NF1: variants seen among roughly 807,000 people sequenced by gnomAD.
NF1 encodes neurofibromin.
NF1 carries 122 observed loss-of-function variants against 325.7 expected under a neutral mutation model. That is an observed-to-expected ratio of 0.37 (90% CI 0.32 to 0.44). The LOEUF is 0.44. Ranked by LOEUF, NF1 falls within the 20% of genes least tolerant of loss-of-function variation. The pLI, the probability that NF1 is intolerant of heterozygous loss-of-function variation, is 1.00. For missense variants in NF1, 2,140 were observed against 3,415.4 expected (o/e 0.63, Z 9.31); for synonymous variants, 1,091 against 1,186.0 (o/e 0.92, Z 1.65).
At position 31,226,459 on chromosome 17, in the gene NF1, AC is replaced by A. The variant is rs587781807; in HGVS notation, c.2033del (p.Pro678ArgfsTer10). 6 of 1,613,128 alleles carry A rather than the reference AC, an allele frequency of 3.7e-6. No individual in the cohort carries two copies. Among genetic ancestry groups the A allele is most frequent in the Non-Finnish European group, 4.2e-6 (5 of 1,179,632 alleles). ...SMDSAAGCSG[T>X]PPICRQAQTK... ...GGATAGTGCAGCAGGATGCAGCGGA[AC>A]CCCCCCGATTTGCCGACAAGCCCAG... On this transcript the variant is annotated frameshift_variant, in exon 18 of 58. Transcript: ENST00000358273. LOFTEE classifies it high-confidence loss of function.
In NF1 at chr17:31,320,489, T is replaced by C. The variant is rs369674898; in HGVS notation, c.4836-5331T>C. 1.9e-5 allele frequency: 28 copies of C among 1,464,700 alleles called. No homozygotes were observed. The East Asian group carries it at 2.0e-4, about 11-fold the overall frequency. 90.7% of individuals were successfully genotyped at this position (1,464,700 alleles called of 1,614,324 possible). A position where few individuals can be genotyped will look rare whatever the true frequency, so the allele number is the denominator to read the frequency against. ...AAGGTTTTATAAGAAATGGTTGTTA[T>C]ATGTCATTGGCTGACATTTGTATAC... On this transcript the variant is annotated intron_variant, in intron 36 of 57. Coordinates refer to ENST00000358273, the MANE Select transcript of NF1 (RefSeq NM_001042492.3).
At chr17:31,181,513 T>C (rs368183009) in intron 6 of NF1, 24 bp downstream of exon 6, 1 of 1,609,530 alleles carries the variant, frequency 6.2e-7, no homozygotes, top group Non-Finnish European at 8.5e-7. Flanking sequence ...TCTCTGGTAT[T>C]AAAATTTTGT....
At position 31,336,605 on chromosome 17, in the gene NF1, T is replaced by A. The variant is rs199874130; in HGVS notation, c.6148-30T>A. 3.3e-3 allele frequency: 5,041 copies of A among 1,518,828 alleles called. 3 individuals carry two copies. The highest frequency in any genetic ancestry group is 6.1e-3 in the South Asian group (500 of 82,056). 94.1% of individuals were successfully genotyped at this position (1,518,828 alleles called of 1,614,324 possible). On this transcript the variant is annotated intron_variant, in intron 41 of 57. Transcript: ENST00000358273. This position sits in a 1 kb window ranked among gnomAD's most constrained non-coding sequence, Gnocchi z 5.5. ...AAACTTTGAGTCCCATGTTTTTTTT[T>A]TTAAAAAAAAAAATCCTGCTTCTTT...
intron 5 of NF1, among the ~76,000 whole-genome samples, chr17:31,174,667 A>G (rs1284332600): frequency 6.6e-6 from 1 of 152,222 alleles, no homozygotes; most frequent in African/African-American, 2.4e-5. Flanking sequence ...GCCCAATTCA[A>G]TCATTTATTA....
In NF1 at chr17:31,253,005, G is replaced by A. The variant is rs1163407132; in HGVS notation, c.4173+5G>A. 6.2e-7 allele frequency: 1 copy of A among 1,610,582 alleles called. No homozygotes were observed. The highest frequency in any genetic ancestry group is 8.5e-7 in the Non-Finnish European group (1 of 1,177,536). Reference sequence around the variant, plus strand: ...AAAAAGGAAAACAAAAAATCAGTAAGTTTGGAGAACTTTTTATTAGCTGTT... The same window carrying A: ...AAAAAGGAAAACAAAAAATCAGTAAATTTGGAGAACTTTTTATTAGCTGTT... On this transcript the variant is annotated splice_donor_5th_base_variant and intron_variant, in intron 31 of 57. Transcript: ENST00000358273.
intron 17 of NF1, among the ~76,000 whole-genome samples, chr17:31,225,632 G>A (rs550237488): frequency 3.4e-4 from 52 of 152,228 alleles, no homozygotes; most frequent in African/African-American, 1.2e-3. Context: ...CAGATTTACA[G>A]GGATAAAAAC....
intron 13 of NF1, among the ~76,000 whole-genome samples, chr17:31,215,758 G>A (rs149465242): frequency 1.1e-3 from 169 of 152,224 alleles, no homozygotes; most frequent in African/African-American, 3.9e-3. Context: ...GTTTCTTATC[G>A]TTTTGCTCAG....
intron 13 of NF1, among the ~76,000 whole-genome samples, chr17:31,215,386 A>T (rs1000761613): frequency 6.6e-6 from 1 of 152,224 alleles, no homozygotes; most frequent in Non-Finnish European, 1.5e-5. Context: ...CAAATAATAA[A>T]AATGAGTCAT....
rs1265499034 is a variant in NF1 at position 31,294,934 on chromosome 17, G to A, written c.4835+29595G>A. ...ATACTTAAATATAGCTCGAATCACT[G>A]GTTAGATATGGACATATTTTCCCAA... is the stretch of plus-strand genomic sequence containing the variant. On this transcript the variant is annotated intron_variant, in intron 36 of 57. Coordinates refer to ENST00000358273, the MANE Select transcript of NF1 (RefSeq NM_001042492.3). The A allele has an allele frequency of 3.2e-6, 5 of 1,580,640 alleles. No individual in the cohort carries two copies. In the South Asian group the frequency reaches 3.3e-5, roughly 11 times the overall value.
rs368298659 is a variant in NF1, at chr17:31,335,299, TA to T, written c.6006+269del. Among the ~76,000 whole-genome samples, 3 of 118,158 alleles carry T rather than the reference TA, an allele frequency of 2.5e-5. 1 individual carries two copies. The highest frequency in any genetic ancestry group is 3.6e-5 in the Non-Finnish European group (2 of 54,982). 77.5% of individuals were successfully genotyped at this position (118,158 alleles called of 152,430 possible). On this transcript the variant is annotated intron_variant, in intron 40 of 57. Coordinates refer to ENST00000358273, the MANE Select transcript of NF1 (RefSeq NM_001042492.3). ...TTATATATATATATATATATATAAT[TA>T]TGCCTTGAAGGAGACTGTGCAAATA... is the stretch of plus-strand genomic sequence containing the variant.
intron 57 of NF1, among the ~76,000 whole-genome samples, chr17:31,365,966 G>A (rs1003303004): frequency 7.3e-5 from 9 of 122,526 alleles, no homozygotes; most frequent in Middle Eastern, 5.5e-3. Context: ...ATGGAGTCTT[G>A]CTCTGTCACC....
chr17:31,376,850 G>A lies in NF1; in HGVS notation c.*2695G>A, dbSNP rs2070738605. ...CGAGGGGCATGCCCTTAGTTGCCCA[G>A]ATGGAGATGCAGTTCAGTAGATTTG... On this transcript the variant is annotated 3_prime_UTR_variant, in exon 58 of 58. Coordinates refer to ENST00000358273, the MANE Select transcript of NF1 (RefSeq NM_001042492.3). 4.3e-6 allele frequency: 1 copy of A among 233,130 alleles called. No homozygotes were observed. The highest frequency in any genetic ancestry group is 2.2e-5 in the African/African-American group (1 of 45,328). The allele number at this position is 233,130 out of a possible 1,614,324, so 14.4% of individuals were successfully genotyped here. A position where few individuals can be genotyped will look rare whatever the true frequency, so the allele number is the denominator to read the frequency against.
At chr17:31,196,503 T>C (rs1156334356) in intron 8 of NF1, among the ~76,000 whole-genome samples, 1 of 152,196 alleles carries the variant, frequency 6.6e-6, no homozygotes, top group African/African-American at 2.4e-5. Context: ...ATCTTCTTGA[T>C]AGTGTCGTTT....
At chr17:31,273,542 A>G (rs1161963599) in intron 36 of NF1, 1 of 152,216 alleles carries the variant, frequency 6.6e-6, no homozygotes, top group Non-Finnish European at 1.5e-5. Context: ...ATTTGGCTCT[A>G]ATATGTAATT....
At chr17:31,162,275 G>C (rs764180152) in intron 3 of NF1, among the ~76,000 whole-genome samples, 3 of 151,410 alleles carry the variant, frequency 2.0e-5, no homozygotes, top group Non-Finnish European at 4.4e-5. Flanking sequence ...TCAGGAGTTC[G>C]AGACCAGCCT....
intron 1 of NF1, among the ~76,000 whole-genome samples, chr17:31,142,052 A>G (rs1391339198): frequency 6.6e-6 from 1 of 152,198 alleles, no homozygotes; most frequent in Admixed American, 6.5e-5. Context: ...CAGAGGCAAA[A>G]ATTTTAGCCT....
chr17:31,288,182 G>A (rs968972047), intron 36 of NF1, among the ~76,000 whole-genome samples: 1 of 151,516 alleles, frequency 6.6e-6, no homozygotes, highest in Non-Finnish European at 1.5e-5. Flanking sequence ...AGAATCTCAG[G>A]TCAGGCTTTC....
chr17:31,338,148 TCCGC>T lies in NF1; in HGVS notation c.6819+12_6819+15del, dbSNP rs750044102. ...TCCGTATTCTTAGCAAGGTACCTGT[TCCGC>T]CCTCACTTCTCCCAAATATTTATGG... On this transcript the variant is annotated intron_variant, in intron 45 of 57. Transcript: ENST00000358273. 1.3e-6 allele frequency: 2 copies of T among 1,572,608 alleles called. No homozygotes were observed. Among genetic ancestry groups the T allele is most frequent in the South Asian group, 2.2e-5 (2 of 90,232 alleles).
chr17:31,229,389 T>G lies in NF1; in HGVS notation c.2774T>G (p.Leu925Trp). Residue 925 changes from leucine (L) to tryptophan (W), a missense_variant, in exon 21 of 58, where the codon TTG becomes TGG. This residue lies in a region of NF1 where 380 missense variants were observed against 639.3 expected (regional missense o/e 0.59). Transcript: ENST00000358273. ...GTTAAGGATCTGGTGGGTCTAGAATTGAGTCCTGCTCTGTATCCAATGCTA... is the reference window on the plus strand; with the variant it reads ...GTTAAGGATCTGGTGGGTCTAGAATGGAGTCCTGCTCTGTATCCAATGCTA... ...TNVKDLVGLE[L>W]SPALYPMLFN... The G allele has an allele frequency of 6.2e-7, 1 of 1,613,948 alleles. No homozygotes were observed. Among genetic ancestry groups the G allele is most frequent in the Non-Finnish European group, 8.5e-7 (1 of 1,179,828 alleles).
Sources: gnomAD v4.1 joint callset for allele counts (sites outside exome capture counted in the v4.1 genomes callset) on GRCh38, gnomAD v4.1.1 for gene constraint, gnomAD v4.1.1 regional missense constraint, Gnocchi (gnomAD v3.1) non-coding constraint, MANE v1.5 for transcripts, NCBI Gene and HGNC (gene_info 2026-07-23, HGNC 2026-07-21) for gene names.